Variants in ZNF479 observed in about 807,000 individuals in gnomAD.
ZNF479 encodes KRAB zinc finger protein KR19.
A neutral mutation model predicts 14.7 loss-of-function variants in ZNF479; 15 were observed. The observed-to-expected ratio is 1.02, with a 90% CI of 0.68 to 1.57. ZNF479 has a LOEUF of 1.57. ZNF479 is among the 40% of genes most tolerant of loss of function. The pLI, the probability that ZNF479 is intolerant of heterozygous loss-of-function variation, is 0.00. For missense variants in ZNF479, 506 were observed against 615.1 expected, an observed-to-expected ratio of 0.82 and a Z score of 1.88; for synonymous variants, 145 against 211.5, an observed-to-expected ratio of 0.69 and a Z score of 2.73.
At chr7:57,129,359 T>C (rs1786320177) in intron 1 of ZNF479, among the ~76,000 whole-genome samples, 1 of 152,186 alleles carries the variant, frequency 6.6e-6, no homozygotes, top group African/African-American at 2.4e-5. Context: ...AGGAATGGGC[T>C]TTTACAAGTC....
chr7:57,129,910 T>C (rs1214302195), intron 1 of ZNF479, among the ~76,000 whole-genome samples: 1 of 152,222 alleles, frequency 6.6e-6, no homozygotes, highest in Non-Finnish European at 1.5e-5. Flanking sequence ...ATAATGAAAT[T>C]AAGGCAGAAA....
chr7:57,135,973 A>ATCTCTCTCTCTCTC (rs57853604), upstream of ZNF479, among the ~76,000 whole-genome samples: 244 of 125,254 alleles, frequency 1.9e-3, 4 homozygotes, highest in African/African-American at 4.9e-3. Flanking sequence ...CTCTCTCTCA[A>ATCTCTCTCTCTCTC]TCTCTCTCTC....
rs545275061 is a variant in ZNF479 at position 57,124,587 on chromosome 7, A to G, written c.262+1431T>C. 2.5e-4 allele frequency among the ~76,000 whole-genome samples: 38 copies of G among 152,354 alleles called. 2 individuals are homozygous for G. The highest frequency in any genetic ancestry group is 8.9e-4 in the African/African-American group (37 of 41,592). ...TATGCCATCAAATGCATGTGCAACA[A>G]AGAGGAGAACAGAAAAATTTAATTG... On this transcript the variant is annotated intron_variant, in intron 3 of 3. Coordinates refer to ENST00000319636, the MANE Select transcript of ZNF479 (RefSeq NM_001370129.2).
intron 3 of ZNF479, among the ~76,000 whole-genome samples, chr7:57,124,136 A>C (rs1583934903): frequency 6.6e-6 from 1 of 152,196 alleles, no homozygotes; most frequent in Middle Eastern, 3.4e-3. Context: ...ATATTGTTTA[A>C]AATTTTTAAA....
At chr7:57,135,633 G>A (rs192056380), upstream of ZNF479, among the ~76,000 whole-genome samples, 5,548 of 152,036 alleles carry the variant, frequency 0.036, 224 homozygotes, top group East Asian at 0.23. Flanking sequence ...GGCTGGTCTT[G>A]AACTCCTGAC....
rs145842106 is a variant in ZNF479 at position 57,125,026 on chromosome 7, G to A, written c.262+992C>T. Among the ~76,000 whole-genome samples, 901 of 152,202 alleles carry A rather than the reference G, an allele frequency of 5.9e-3. 7 individuals are homozygous for A. The highest frequency in any genetic ancestry group is 0.02 in the African/African-American group (814 of 41,546). On this transcript the variant is annotated intron_variant, in intron 3 of 3. Coordinates refer to ENST00000319636, the MANE Select transcript of ZNF479 (RefSeq NM_001370129.2). ...GCAGAGGTTGCTGTGAGCTGAAATCGCACCATTGCCCTTGTTGCCTGGGAA... is the reference window on the plus strand; with the variant it reads ...GCAGAGGTTGCTGTGAGCTGAAATCACACCATTGCCCTTGTTGCCTGGGAA...
chr7:57,122,778 C>A (rs1322320885), intron 3 of ZNF479, among the ~76,000 whole-genome samples: 8 of 151,850 alleles, frequency 5.3e-5, no homozygotes, highest in Admixed American at 1.3e-4. Context: ...TAGAATGAGA[C>A]AAAGATTGAT....
chr7:57,118,062 C>A lies in ZNF479; in HGVS notation c.*1778G>T, dbSNP rs1785758682. ...TAATTTTTGATTTAATATGTTTTCC[C>A]CATTTACTGGTTCTGCAAAAATATT... is the stretch of plus-strand genomic sequence containing the variant. On this transcript the variant is annotated 3_prime_UTR_variant, in exon 4 of 4. Coordinates refer to ENST00000319636, the MANE Select transcript of ZNF479 (RefSeq NM_001370129.2). Among the ~76,000 whole-genome samples the A allele has an allele frequency of 6.6e-6, 1 of 152,200 alleles. No homozygotes were observed. The highest frequency in any genetic ancestry group is 1.5e-5 in the Non-Finnish European group (1 of 68,044).
chr7:57,119,783 T>C lies in ZNF479; in HGVS notation c.*57A>G. Reference sequence around the variant, plus strand: ...CCACATTCTCTACATTTGTAGTGTTTTTTTCCAGTGTAAATTATTTTATGT... The same window carrying C: ...CCACATTCTCTACATTTGTAGTGTTCTTTTCCAGTGTAAATTATTTTATGT... On this transcript the variant is annotated 3_prime_UTR_variant, in exon 4 of 4. Transcript: ENST00000319636. 7.0e-7 allele frequency: 1 copy of C among 1,425,740 alleles called. No individual in the cohort carries two copies. Among genetic ancestry groups the C allele is most frequent in the Non-Finnish European group, 9.6e-7 (1 of 1,045,140 alleles). The allele number at this position is 1,425,740 out of a possible 1,614,324, so 88.3% of individuals were successfully genotyped here. A position where few individuals can be genotyped will look rare whatever the true frequency, so the allele number is the denominator to read the frequency against.
At chr7:57,132,860 G>A (rs901246468), upstream of ZNF479, among the ~76,000 whole-genome samples, 26 of 152,138 alleles carry the variant, frequency 1.7e-4, no homozygotes, top group Admixed American at 3.3e-4. Flanking sequence ...ATTCTCGTCC[G>A]TGTGCAGTGG....
At chr7:57,126,785 A>G in intron 1 of ZNF479, 67 bp from the exon 2 acceptor site, 1 of 1,587,332 alleles carries the variant, frequency 6.3e-7, no homozygotes. Context: ...ATAGGCAGAG[A>G]TTTTTATTTG....
At chr7:57,121,708 G>A (rs1453491345) in intron 3 of ZNF479, among the ~76,000 whole-genome samples, 5 of 152,146 alleles carry the variant, frequency 3.3e-5, no homozygotes, top group Non-Finnish European at 7.3e-5. Context: ...TGACAGGAAG[G>A]AGCTGCATTA....
chr7:57,123,179 T>C (rs1422207445), intron 3 of ZNF479, among the ~76,000 whole-genome samples: 5 of 152,178 alleles, frequency 3.3e-5, no homozygotes, highest in African/African-American at 1.2e-4. Flanking sequence ...CTTACAATTA[T>C]AGTGGAAGGC....
intron 1 of ZNF479, among the ~76,000 whole-genome samples, chr7:57,129,321 C>T (rs1380126029): frequency 1.3e-5 from 2 of 152,130 alleles, no homozygotes; most frequent in Non-Finnish European, 1.5e-5. Context: ...CTCTATGCAA[C>T]GTGATTCTGC....
At chr7:57,134,568 C>T (rs1213293713), upstream of ZNF479, among the ~76,000 whole-genome samples, 1 of 152,024 alleles carries the variant, frequency 6.6e-6, no homozygotes, top group African/African-American at 2.4e-5. Flanking sequence ...CACATTGCTG[C>T]TCTGCCTAGA....
At position 57,121,147 on chromosome 7, in the gene ZNF479, G is replaced by A. The variant is rs182993647; in HGVS notation, c.268C>T (p.Arg90Cys). 1,325 of 1,613,586 alleles carry A rather than the reference G, an allele frequency of 8.2e-4. 13 individuals are homozygous for A. In the African/African-American group the frequency reaches 0.014, roughly 17 times the overall value. ...NEMVAKHPVT[R>C]SHFTQDLQPE... ...TGAAGGTCTTGGGTGAAATGGGAAC[G>A]CGTAACTGAAAGACACAAAAAGCAC... Residue 90 changes from arginine to cysteine, a missense_variant, in exon 4 of 4, where the codon CGT becomes TGT. Coordinates refer to ENST00000319636, the MANE Select transcript of ZNF479 (RefSeq NM_001370129.2).
upstream of ZNF479, among the ~76,000 whole-genome samples, chr7:57,132,996 C>A (rs1227783911): frequency 6.6e-6 from 1 of 152,052 alleles, no homozygotes; most frequent in Non-Finnish European, 1.5e-5. Context: ...ATTAGCCTGG[C>A]GTGGCAGTGT....
Position 57,120,813 on chromosome 7 carries a change from T to C in ZNF479, c.602A>G (p.Asn201Ser), listed in dbSNP as rs548754192. Residue 201 changes from asparagine to serine, a missense_variant, in exon 4 of 4, where the codon AAT (asparagine) becomes AGT (serine). This residue lies in a region of ZNF479 where 420 missense variants were observed against 474.2 expected (regional missense o/e 0.89). Transcript: ENST00000319636. ...GKSFCMLSHL[N>S]QHQVIHTREK... ...CCTAGTATGAATTACCTGATGTTGATTTAGGTGTGAAAGCATGCAAAATGA... is the reference window on the plus strand; with the variant it reads ...CCTAGTATGAATTACCTGATGTTGACTTAGGTGTGAAAGCATGCAAAATGA... 3.7e-6 allele frequency: 6 copies of C among 1,612,908 alleles called. No individual in the cohort carries two copies. In the South Asian group the frequency reaches 4.4e-5, roughly 12 times the overall value.
At chr7:57,127,620 C>T in intron 1 of ZNF479, 1 of 850,738 alleles carries the variant, frequency 1.2e-6, no homozygotes, top group African/African-American at 1.8e-5. Flanking sequence ...TAAGAGCCTT[C>T]ATTTTTAAAA....
Sources: gnomAD v4.1 joint callset for allele counts (sites outside exome capture counted in the v4.1 genomes callset) on GRCh38, gnomAD v4.1.1 for gene constraint, gnomAD v4.1.1 regional missense constraint, MANE v1.5 for transcripts, NCBI Gene and HGNC (gene_info 2026-07-23, HGNC 2026-07-21) for gene names.